The following GPR39 variants were observed in gnomAD, a reference collection of about 807,000 sequenced individuals.
The protein encoded by GPR39 is G protein-coupled receptor 39.
Under a neutral mutation model 18.4 loss-of-function variants are expected in GPR39, and 23 were observed. The observed-to-expected ratio is 1.25, with a 90% CI of 0.90 to 1.77. The LOEUF (loss-of-function observed/expected upper bound fraction) is 1.77. Among genes scored for constraint, GPR39 ranks in the 40% most tolerant of loss-of-function variants. The pLI, the probability that GPR39 is intolerant of heterozygous loss-of-function variation, is 0.00. For missense variants in GPR39, 647 were observed against 602.4 expected (o/e 1.07, Z -0.78); for synonymous variants, 280 against 257.9 (o/e 1.09, Z -0.82).
intron 1 of GPR39, among the ~76,000 whole-genome samples, chr2:132,629,613 C>T (rs1314581857): frequency 6.6e-6 from 1 of 152,200 alleles, no homozygotes; most frequent in Non-Finnish European, 1.5e-5. Flanking sequence ...AAGACAACCT[C>T]TCAATTTACA....
intron 1 of GPR39, among the ~76,000 whole-genome samples, chr2:132,453,900 A>C (rs943177218): frequency 2.0e-5 from 3 of 152,030 alleles, no homozygotes; most frequent in African/African-American, 4.8e-5. Flanking sequence ...AGTATAGTTT[A>C]AAGTCAGGTA....
chr2:132,443,171 T>A (rs10206112), intron 1 of GPR39, among the ~76,000 whole-genome samples: 76,438 of 152,094 alleles, frequency 0.5, 20,891 homozygotes, highest in Non-Finnish European at 0.62. Flanking sequence ...GAATAAACAT[T>A]ATATTAAAAC....
chr2:132,579,744 A>T (rs1179952464), intron 1 of GPR39, among the ~76,000 whole-genome samples: 2 of 152,088 alleles, frequency 1.3e-5, no homozygotes, highest in African/African-American at 4.8e-5. Flanking sequence ...TTCAAAGAGC[A>T]AACAAATGTC....
chr2:132,472,167 G>A (rs1398157622), intron 1 of GPR39, among the ~76,000 whole-genome samples: 1 of 152,216 alleles, frequency 6.6e-6, no homozygotes, highest in Non-Finnish European at 1.5e-5. Flanking sequence ...GTAGGGAGTG[G>A]AAGAGAGATG....
intron 1 of GPR39, among the ~76,000 whole-genome samples, chr2:132,533,651 T>C (rs1395670479): frequency 6.6e-6 from 1 of 152,090 alleles, no homozygotes; most frequent in Non-Finnish European, 1.5e-5. Flanking sequence ...AACAGAGATA[T>C]AGACCAATGG....
At chr2:132,485,141 A>C (rs1052944750) in intron 1 of GPR39, among the ~76,000 whole-genome samples, 2 of 152,228 alleles carry the variant, frequency 1.3e-5, no homozygotes, top group African/African-American at 2.4e-5. Context: ...GTCGCATAAA[A>C]TTTTTGGTTT....
intron 1 of GPR39, among the ~76,000 whole-genome samples, chr2:132,594,411 T>G (rs560784622): frequency 6.6e-6 from 1 of 152,158 alleles, no homozygotes; most frequent in Admixed American, 6.5e-5. Flanking sequence ...ATAGTAAAAT[T>G]TTTATGCAGG....
At position 132,646,110 on chromosome 2, in the gene GPR39, G is replaced by A. The variant is rs781059999; in HGVS notation, c.*504G>A. 13 of 1,608,386 alleles carry A rather than the reference G, an allele frequency of 8.1e-6. 1 individual carries two copies. In the South Asian group the frequency reaches 1.4e-4, roughly 18 times the overall value. ...ATGGTGGTGCGGAGCCCTGGCCTGA[G>A]GGCCGAGGCAGAACTTCCCCTTTTC... On this transcript the variant is annotated 3_prime_UTR_variant, in exon 2 of 2. Coordinates refer to ENST00000329321, the MANE Select transcript of GPR39 (RefSeq NM_001508.3).
At chr2:132,550,167 G>T (rs1680017297) in intron 1 of GPR39, among the ~76,000 whole-genome samples, 2 of 152,192 alleles carry the variant, frequency 1.3e-5, no homozygotes, top group Non-Finnish European at 2.9e-5. Context: ...GTTAAGTACT[G>T]AGAGAGCCAT....
chr2:132,621,750 T>C (rs1681446796), intron 1 of GPR39, among the ~76,000 whole-genome samples: 1 of 152,148 alleles, frequency 6.6e-6, no homozygotes, highest in Admixed American at 6.5e-5. Context: ...TCCCAGCTGT[T>C]AAGTGGGTTC....
Position 132,417,279 on chromosome 2 carries a change from C to T in GPR39, c.237C>T (p.Asp79=). ...ACATGGTGAGTTTGGCTTGCTCGGA[C>T]ATCTTGGTGTTCCTCATCGGCATGC... The part of the protein sequence containing the change: ...TDHMVSLACS[D]ILVFLIGMPM... Residue 79 remains aspartate (D), a synonymous_variant, in exon 1 of 2, where the codon GAC becomes GAT. Transcript: ENST00000329321. The T allele has an allele frequency of 2.5e-6, 4 of 1,614,168 alleles. No individual in the cohort carries two copies. The highest frequency in any genetic ancestry group is 3.4e-6 in the Non-Finnish European group (4 of 1,180,020).
At chr2:132,458,011 T>C (rs1680763264) in intron 1 of GPR39, among the ~76,000 whole-genome samples, 1 of 152,220 alleles carries the variant, frequency 6.6e-6, no homozygotes, top group Non-Finnish European at 1.5e-5. Context: ...TGGGTGGAAG[T>C]GTCCTGTTTT....
intron 1 of GPR39, among the ~76,000 whole-genome samples, chr2:132,461,150 A>G (rs1311315999): frequency 6.6e-6 from 1 of 152,168 alleles, no homozygotes; most frequent in African/African-American, 2.4e-5. Context: ...TGTGGGTAGT[A>G]TTCTCATTCT....
At chr2:132,585,618 C>T (rs1279157623) in intron 1 of GPR39, among the ~76,000 whole-genome samples, 1 of 152,138 alleles carries the variant, frequency 6.6e-6, no homozygotes, top group African/African-American at 2.4e-5. Context: ...CTCCGGCCGC[C>T]CCCGGGATGC....
At chr2:132,469,475 A>T (rs1680989993) in intron 1 of GPR39, among the ~76,000 whole-genome samples, 1 of 152,238 alleles carries the variant, frequency 6.6e-6, no homozygotes, top group Non-Finnish European at 1.5e-5. Flanking sequence ...TTGCCTCTGC[A>T]GGCCATGTGT....
chr2:132,610,655 T>C (rs1681221877), intron 1 of GPR39, among the ~76,000 whole-genome samples: 1 of 151,604 alleles, frequency 6.6e-6, no homozygotes, highest in Non-Finnish European at 1.5e-5. Context: ...CACGTACCTG[T>C]AGTCCCAGCT....
chr2:132,565,646 C>G (rs200380600), intron 1 of GPR39, among the ~76,000 whole-genome samples: 1 of 142,438 alleles, frequency 7.0e-6, no homozygotes, highest in South Asian at 2.4e-4. Flanking sequence ...TGAGAATATG[C>G]GGTGTTTGAT....
rs572492868 is a variant in GPR39 at position 132,543,384 on chromosome 2, C to G, written c.857-101717C>G. On this transcript the variant is annotated intron_variant, in intron 1 of 1. Transcript: ENST00000329321. Reference sequence around the variant, plus strand: ...CCACTGTGGGCATGTTTAGGCAAGTCCCCTATGCAAGTTCCCTTATCTGTG... The same window carrying G: ...CCACTGTGGGCATGTTTAGGCAAGTGCCCTATGCAAGTTCCCTTATCTGTG... Among the ~76,000 whole-genome samples, 4 of 152,282 alleles carry G rather than the reference C, an allele frequency of 2.6e-5. No individual in the cohort carries two copies. The South Asian group carries it at 8.3e-4, about 32-fold the overall frequency.
chr2:132,460,979 G>T (rs1368635854), intron 1 of GPR39, among the ~76,000 whole-genome samples: 1 of 152,086 alleles, frequency 6.6e-6, no homozygotes, highest in African/African-American at 2.4e-5. Context: ...GCAAGGGAGT[G>T]GACTGAGAAG....
Sources: allele counts gnomAD v4.1 joint callset (sites outside exome capture counted in the v4.1 genomes callset), GRCh38; gene constraint gnomAD v4.1.1; transcripts MANE v1.5; gene names NCBI Gene and HGNC (gene_info 2026-07-23, HGNC 2026-07-21).